Variants in PDS5A observed in about 807,000 individuals in gnomAD.
PDS5A encodes sister chromatid cohesion protein PDS5 homolog A.
A neutral mutation model predicts 167.1 loss-of-function variants in PDS5A; 42 were observed. That is an observed-to-expected ratio of 0.25 (90% CI 0.20 to 0.33). The LOEUF (loss-of-function observed/expected upper bound fraction) is 0.33, where lower values mean the gene tolerates loss of function less well. PDS5A is among the 10% of genes least tolerant of loss of function. The probability of loss-of-function intolerance (pLI) is 1.00; values close to 1 mark genes in which losing one functional copy is unlikely to be tolerated. For missense variants in PDS5A, 1,033 were observed against 1,605.9 expected (o/e 0.64, Z 6.10); for synonymous variants, 553 against 554.6 (o/e 1.00, Z 0.04).
chr4:39,907,735 C>T (rs1723518609), intron 11 of PDS5A, among the ~76,000 whole-genome samples: 1 of 152,028 alleles, frequency 6.6e-6, no homozygotes, highest in African/African-American at 2.4e-5. Flanking sequence ...TACAGGTGCC[C>T]GCCACCATGC....
chr4:39,920,743 C>T (rs938178680), intron 6 of PDS5A, among the ~76,000 whole-genome samples: 3 of 152,214 alleles, frequency 2.0e-5, no homozygotes, highest in Non-Finnish European at 2.9e-5. Context: ...ACTACACCCA[C>T]GTATCTTAAA....
intron 2 of PDS5A, among the ~76,000 whole-genome samples, chr4:39,951,877 G>A (rs1728429584): frequency 7.7e-6 from 1 of 130,482 alleles, no homozygotes; most frequent in Admixed American, 8.6e-5. Flanking sequence ...TCCAGCCTGG[G>A]TGACAGAGCA....
chr4:39,962,166 TC>T (rs1188067144), intron 2 of PDS5A, among the ~76,000 whole-genome samples: 21 of 152,080 alleles, frequency 1.4e-4, no homozygotes, highest in Admixed American at 1.3e-3. Flanking sequence ...CACGGCATTC[TC>T]CTGCCTCCAC....
intron 26 of PDS5A, among the ~76,000 whole-genome samples, chr4:39,861,217 T>TG (rs1161167245): frequency 6.6e-6 from 1 of 151,774 alleles, no homozygotes; most frequent in African/African-American, 2.4e-5. Context: ...TCCCAGCACT[T>TG]GGGGAGGCTG....
intron 26 of PDS5A, 78 bp from the exon 27 acceptor site, chr4:39,849,730 T>C (rs1405415457): frequency 1.1e-6 from 1 of 878,926 alleles, no homozygotes; most frequent in African/African-American, 1.7e-5. Flanking sequence ...AGCTGGGAAT[T>C]TCTGTTGTCT....
At chr4:39,962,711 C>T (rs749549309) in intron 2 of PDS5A, among the ~76,000 whole-genome samples, 6 of 151,734 alleles carry the variant, frequency 4.0e-5, no homozygotes, top group Non-Finnish European at 7.4e-5. Flanking sequence ...GGCTGAGGCA[C>T]GAGAATCGCT....
In PDS5A at chr4:39,841,884, TC is replaced by T. The variant is rs1717057845; in HGVS notation, c.3657+63del. ...TGAAGTGTTGGCTGTAGATTTCTTA[TC>T]CCTACGGAAAAACTGTAATAATCTC... On this transcript the variant is annotated intron_variant, in intron 31 of 32. Transcript: ENST00000303538. 4 of 849,742 alleles carry T rather than the reference TC, an allele frequency of 4.7e-6. No homozygotes were observed. In the South Asian group the frequency reaches 5.8e-5, roughly 12 times the overall value. 52.6% of individuals were successfully genotyped at this position (849,742 alleles called of 1,614,324 possible).
chr4:39,875,826 AAAGG>A (rs1720417659), intron 19 of PDS5A, among the ~76,000 whole-genome samples: 1 of 152,188 alleles, frequency 6.6e-6, no homozygotes, highest in Non-Finnish European at 1.5e-5. Flanking sequence ...GGTGAATGAC[AAAGG>A]AAGATAGTTT....
chr4:39,832,380 A>C (rs1715983754), intron 32 of PDS5A, among the ~76,000 whole-genome samples: 1 of 151,348 alleles, frequency 6.6e-6, no homozygotes, highest in African/African-American at 2.4e-5. Flanking sequence ...CGCCTGGCTA[A>C]TTTTTTGTAT....
chr4:39,941,229 C>CA (rs1201705043), intron 2 of PDS5A, among the ~76,000 whole-genome samples: 4 of 152,126 alleles, frequency 2.6e-5, no homozygotes, highest in Non-Finnish European at 5.9e-5. Context: ...CTAGAGTCTA[C>CA]AAAAAATGTG....
At chr4:39,850,919 A>G (rs1718069835) in intron 26 of PDS5A, among the ~76,000 whole-genome samples, 1 of 152,260 alleles carries the variant, frequency 6.6e-6, no homozygotes, top group African/African-American at 2.4e-5. Context: ...GCATTCCTGC[A>G]TCAACAGGGG....
chr4:39,854,988 G>A (rs886476401), intron 26 of PDS5A, among the ~76,000 whole-genome samples: 1 of 152,120 alleles, frequency 6.6e-6, no homozygotes, highest in African/African-American at 2.4e-5. Flanking sequence ...AAACATTAAA[G>A]GCTATATTTA....
At chr4:39,923,047 G>A (rs1351244155) in intron 5 of PDS5A, among the ~76,000 whole-genome samples, 2 of 151,916 alleles carry the variant, frequency 1.3e-5, no homozygotes, top group South Asian at 2.1e-4. Flanking sequence ...AAAAGAAAAA[G>A]GCCGGGCACA....
chr4:39,931,886 G>A (rs976171870), intron 2 of PDS5A, among the ~76,000 whole-genome samples: 1 of 148,700 alleles, frequency 6.7e-6, no homozygotes, highest in Non-Finnish European at 1.5e-5. Flanking sequence ...GATTTGGTCA[G>A]GTGACTTTTT....
At chr4:39,941,273 A>G (rs955819066) in intron 2 of PDS5A, among the ~76,000 whole-genome samples, 1 of 152,218 alleles carries the variant, frequency 6.6e-6, no homozygotes, top group Non-Finnish European at 1.5e-5. Flanking sequence ...TATTTCTTGA[A>G]TTAATGAAAC....
intron 17 of PDS5A, among the ~76,000 whole-genome samples, chr4:39,885,783 C>CA (rs60807358): frequency 0.028 from 4,183 of 150,084 alleles, 169 homozygotes; most frequent in African/African-American, 0.09. Flanking sequence ...AAAAAACAAA[C>CA]AAAAAAAAAC....
chr4:39,972,916 T>G (rs949635175), intron 2 of PDS5A, among the ~76,000 whole-genome samples: 1 of 150,056 alleles, frequency 6.7e-6, no homozygotes, highest in Non-Finnish European at 1.5e-5. Flanking sequence ...TGGGGTTTTT[T>G]TTGTTGTTTG....
chr4:39,873,245 C>A, intron 20 of PDS5A, 101 bp from the exon 21 acceptor site: 1 of 592,462 alleles, frequency 1.7e-6, no homozygotes, highest in Non-Finnish European at 2.6e-6. Flanking sequence ...ATTTACCATG[C>A]CCAAACCAAT....
Position 39,910,325 on chromosome 4 carries a change from G to T in PDS5A, c.1006C>A (p.His336Asn). 1 of 1,520,496 alleles carries T rather than the reference G, an allele frequency of 6.6e-7. No homozygotes were observed. Among genetic ancestry groups the T allele is most frequent in the Non-Finnish European group, 9.1e-7 (1 of 1,102,076 alleles). 94.2% of individuals were successfully genotyped at this position (1,520,496 alleles called of 1,614,324 possible). ...QCFLGRFNDI[H>N]VPVRLESVKF... ...ACACTTTCTAATCTCACAGGAACATGAATATCATTAAATCTACACAGAAAA... is the reference window on the plus strand; with the variant it reads ...ACACTTTCTAATCTCACAGGAACATTAATATCATTAAATCTACACAGAAAA... Residue 336 changes from histidine (H) to asparagine (N), a missense_variant, in exon 10 of 33, where the codon CAT (histidine) becomes AAT (asparagine). Coordinates refer to ENST00000303538, the MANE Select transcript of PDS5A (RefSeq NM_001100399.2).
Sources: allele counts gnomAD v4.1 joint callset (sites outside exome capture counted in the v4.1 genomes callset), GRCh38; gene constraint gnomAD v4.1.1; transcripts MANE v1.5; gene names NCBI Gene and HGNC (gene_info 2026-07-23, HGNC 2026-07-21).